ARHGEF28: variants seen among roughly 807,000 people sequenced by gnomAD.
ARHGEF28 encodes the protein 190 kDa guanine nucleotide exchange factor.
ARHGEF28 carries 152 observed loss-of-function variants against 206.6 expected under a neutral mutation model. That is an observed-to-expected ratio of 0.74 (90% CI 0.64 to 0.84). The LOEUF is 0.84. ARHGEF28 is among the 40% of genes least tolerant of loss of function. The probability of loss-of-function intolerance (pLI) is 0.00; values close to 1 mark genes in which losing one functional copy is unlikely to be tolerated. For synonymous variants in ARHGEF28, 763 were observed against 776.4 expected (o/e 0.98, Z 0.29); for missense variants, 2,028 against 2,073.2 (o/e 0.98, Z 0.42).
intron 35 of ARHGEF28, among the ~76,000 whole-genome samples, chr5:73,917,920 A>G (rs1763302515): frequency 6.6e-6 from 1 of 152,124 alleles, no homozygotes; most frequent in Non-Finnish European, 1.5e-5. Flanking sequence ...TTTGGAGGGG[A>G]AATTTGTATA....
At chr5:73,911,754 G>A (rs1298881101) in intron 35 of ARHGEF28, 179 bp downstream of exon 35, 2 of 651,334 alleles carry the variant, frequency 3.1e-6, no homozygotes, top group Middle Eastern at 4.2e-4. Context: ...GCCTTTGCTT[G>A]TAAGTTACCT....
chr5:73,710,585 C>T (rs1435262961), intron 2 of ARHGEF28, among the ~76,000 whole-genome samples: 1 of 152,120 alleles, frequency 6.6e-6, no homozygotes, highest in East Asian at 1.9e-4. Flanking sequence ...TTTTGTAGGT[C>T]ATACTTTTGG....
intron 6 of ARHGEF28, among the ~76,000 whole-genome samples, chr5:73,777,871 G>A (rs1753624540): frequency 6.6e-6 from 1 of 152,094 alleles, no homozygotes; most frequent in South Asian, 2.1e-4. Context: ...ATGAGGTCAG[G>A]AGATCGAGAC....
intron 4 of ARHGEF28, among the ~76,000 whole-genome samples, chr5:73,770,228 C>T (rs1026292994): frequency 7.2e-5 from 11 of 152,156 alleles, no homozygotes; most frequent in African/African-American, 2.7e-4. Flanking sequence ...CTCTTAGGAA[C>T]CTTGGATCTT....
chr5:73,748,954 G>A (rs929804425), intron 2 of ARHGEF28, among the ~76,000 whole-genome samples: 8 of 152,198 alleles, frequency 5.3e-5, no homozygotes, highest in East Asian at 1.9e-4. Flanking sequence ...TAGCCCCTCC[G>A]CAAAGCCTCA....
chr5:73,743,542 A>C (rs150126597), intron 2 of ARHGEF28, among the ~76,000 whole-genome samples: 3 of 152,202 alleles, frequency 2.0e-5, no homozygotes, highest in Non-Finnish European at 4.4e-5. Flanking sequence ...AAAAATTGGC[A>C]TTCTGATATT....
chr5:73,719,574 C>T (rs1749802844), intron 2 of ARHGEF28, among the ~76,000 whole-genome samples: 1 of 152,144 alleles, frequency 6.6e-6, no homozygotes, highest in Admixed American at 6.5e-5. Flanking sequence ...AAAATGTTTC[C>T]TCTCCTCACT....
chr5:73,931,809 C>T (rs1347304816), intron 35 of ARHGEF28, among the ~76,000 whole-genome samples: 1 of 152,168 alleles, frequency 6.6e-6, no homozygotes, highest in African/African-American at 2.4e-5. Context: ...CTATTTTAGA[C>T]TCCTGCTTTC....
intron 10 of ARHGEF28, among the ~76,000 whole-genome samples, chr5:73,834,383 CTA>C (rs1757478414): frequency 6.6e-6 from 1 of 152,186 alleles, no homozygotes; most frequent in Non-Finnish European, 1.5e-5. Context: ...CTCACTGTTT[CTA>C]TGAGTTTGAC....
chr5:73,849,799 T>A (rs1339277250), intron 13 of ARHGEF28, among the ~76,000 whole-genome samples: 1 of 152,036 alleles, frequency 6.6e-6, no homozygotes, highest in Non-Finnish European at 1.5e-5. Context: ...CATTTTGAAA[T>A]GTAATTATTT....
chr5:73,654,846 C>G (rs1385261983), intron 1 of ARHGEF28, among the ~76,000 whole-genome samples: 1 of 152,116 alleles, frequency 6.6e-6, no homozygotes, highest in Non-Finnish European at 1.5e-5. Context: ...AATGAAAAGT[C>G]AAGGCATGTG....
At position 73,940,875 on chromosome 5, in the gene ARHGEF28, C is replaced by A. The variant is rs915836278; in HGVS notation, c.4980C>A (p.Thr1660=). ...DLDTSHTESP[T]PHDSNSHRPQ... is the part of the protein sequence containing the mutation. Reference sequence around the variant, plus strand: ...ACACCTCCCACACTGAGTCCCCAACCCCCCATGACTCAAATTCACACCGCC... The same window carrying A: ...ACACCTCCCACACTGAGTCCCCAACACCCCATGACTCAAATTCACACCGCC... The change falls in exon 36 of 36, where the codon ACC becomes ACA. Residue 1660 remains threonine, a synonymous_variant. Transcript: ENST00000513042. The A allele has an allele frequency of 8.5e-6, 13 of 1,528,118 alleles. No individual in the cohort carries two copies. Among genetic ancestry groups the A allele is most frequent in the African/African-American group, 1.4e-5 (1 of 72,560 alleles). The allele number at this position is 1,528,118 out of a possible 1,614,324, so 94.7% of individuals were successfully genotyped here.
At chr5:73,696,710 T>G (rs1451429847) in intron 2 of ARHGEF28, among the ~76,000 whole-genome samples, 6 of 152,240 alleles carry the variant, frequency 3.9e-5, no homozygotes, top group Non-Finnish European at 7.3e-5. Context: ...AGTGGACAAT[T>G]GTTTTTGTCC....
chr5:73,823,915 G>A (rs1756743051), intron 9 of ARHGEF28, among the ~76,000 whole-genome samples: 1 of 152,210 alleles, frequency 6.6e-6, no homozygotes, highest in South Asian at 2.1e-4. Flanking sequence ...TTTTGGGGAT[G>A]AAATGTGTTA....
chr5:73,753,281 C>G, intron 4 of ARHGEF28, 79 bp downstream of exon 4: 1 of 1,406,018 alleles, frequency 7.1e-7, no homozygotes, highest in Non-Finnish European at 9.3e-7. Context: ...CTGTGTGTTC[C>G]CCTCGGCAGG....
rs897568523 is a variant in ARHGEF28, at chr5:73,941,729, A to G, written c.*716A>G. ...GAACTTTGTTAGAGCCCTCACTTCT[A>G]TCAATCAGCTGTCCTGTCCCTGCCA... On this transcript the variant is annotated 3_prime_UTR_variant, in exon 36 of 36. Coordinates refer to ENST00000513042, the MANE Select transcript of ARHGEF28 (RefSeq NM_001177693.2). The G allele has an allele frequency of 6.6e-6, 1 of 152,230 alleles. No homozygotes were observed. The highest frequency in any genetic ancestry group is 1.5e-5 in the Non-Finnish European group (1 of 68,092). 9.4% of individuals were successfully genotyped at this position (152,230 alleles called of 1,614,324 possible).
intron 1 of ARHGEF28, among the ~76,000 whole-genome samples, chr5:73,658,294 T>G (rs1353164975): frequency 1.3e-5 from 2 of 152,196 alleles, no homozygotes; most frequent in Admixed American, 6.5e-5. Context: ...GCCCTGTGCT[T>G]CTTCTGATAG....
At chr5:73,897,657 C>T (rs1033370847) in intron 29 of ARHGEF28, among the ~76,000 whole-genome samples, 8 of 152,126 alleles carry the variant, frequency 5.3e-5, no homozygotes, top group Non-Finnish European at 7.4e-5. Flanking sequence ...AATTCTCTGT[C>T]GTAAAATGAT....
chr5:73,735,943 T>G (rs1439887335), intron 2 of ARHGEF28, among the ~76,000 whole-genome samples: 1 of 152,154 alleles, frequency 6.6e-6, no homozygotes. Flanking sequence ...TTACTCCCTC[T>G]CCCATCCATA....
Sources: gnomAD v4.1 joint callset for allele counts (sites outside exome capture counted in the v4.1 genomes callset) on GRCh38, gnomAD v4.1.1 for gene constraint, MANE v1.5 for transcripts, NCBI Gene and HGNC (gene_info 2026-07-23, HGNC 2026-07-21) for gene names.